The following SEC11A variants were observed in gnomAD, a reference collection of about 807,000 sequenced individuals.
SEC11A encodes the protein SEC11 homolog A, signal peptidase complex subunit, also known as signal peptidase complex catalytic subunit SEC11A.
A neutral mutation model predicts 25.6 loss-of-function variants in SEC11A; 14 were observed. That is an observed-to-expected ratio of 0.55 (90% confidence interval 0.36 to 0.85). The LOEUF (loss-of-function observed/expected upper bound fraction) is 0.85. Ranked by LOEUF, SEC11A falls within the 40% of genes least tolerant of loss-of-function variation. The pLI, the probability that SEC11A is intolerant of heterozygous loss-of-function variation, is 0.01. For synonymous variants in SEC11A, 83 were observed against 76.4 expected (o/e 1.09, Z -0.45); for missense variants, 153 against 222.9 (o/e 0.69, Z 2.00).
intron 1 of SEC11A, among the ~76,000 whole-genome samples, chr15:84,703,830 T>C (rs916975304): frequency 1.3e-5 from 2 of 152,154 alleles, no homozygotes; most frequent in South Asian, 4.2e-4. Context: ...ATGAAGATAA[T>C]TGTGTGCCAT....
At chr15:84,707,863 T>C (rs1898142982) in intron 1 of SEC11A, among the ~76,000 whole-genome samples, 1 of 152,152 alleles carries the variant, frequency 6.6e-6, no homozygotes, top group Non-Finnish European at 1.5e-5. Context: ...TGGTACTATA[T>C]TCTGGATTTT....
intron 1 of SEC11A, among the ~76,000 whole-genome samples, chr15:84,709,491 G>A (rs1450125777): frequency 6.6e-6 from 1 of 152,126 alleles, no homozygotes; most frequent in East Asian, 1.9e-4. Context: ...CACCCAGACT[G>A]GAGTGCAGTG....
At chr15:84,708,294 A>C (rs912334710) in intron 1 of SEC11A, among the ~76,000 whole-genome samples, 11 of 149,944 alleles carry the variant, frequency 7.3e-5, no homozygotes, top group African/African-American at 2.7e-4. Flanking sequence ...GTTCTTGTGT[A>C]TGTAATGGGG....
chr15:84,692,971 G>A (rs903432311), intron 1 of SEC11A, among the ~76,000 whole-genome samples: 3 of 151,850 alleles, frequency 2.0e-5, no homozygotes, highest in Admixed American at 6.6e-5. Flanking sequence ...TCAGCCTCCC[G>A]AGTAGCCAGA....
chr15:84,677,939 T>C (rs926329169), intron 4 of SEC11A, among the ~76,000 whole-genome samples: 2 of 152,176 alleles, frequency 1.3e-5, no homozygotes, highest in African/African-American at 4.8e-5. Flanking sequence ...CTCATGCCTG[T>C]GGTCCCAGCA....
At chr15:84,684,886 C>T (rs779316805) in intron 3 of SEC11A, among the ~76,000 whole-genome samples, 4 of 152,032 alleles carry the variant, frequency 2.6e-5, no homozygotes, top group Admixed American at 6.6e-5. Context: ...GAGCCAAACT[C>T]GCACCATGAA....
intron 4 of SEC11A, among the ~76,000 whole-genome samples, chr15:84,679,068 A>C (rs1245916682): frequency 6.6e-6 from 1 of 152,128 alleles, no homozygotes; most frequent in Non-Finnish European, 1.5e-5. Flanking sequence ...TAAACCAAAA[A>C]GTTAATAGTA....
At chr15:84,680,869 C>T (rs569269916) in intron 3 of SEC11A, 37 bp from the exon 4 acceptor site, 97 of 1,555,616 alleles carry the variant, frequency 6.2e-5, no homozygotes, top group Middle Eastern at 5.2e-4. Flanking sequence ...CATCAAATAC[C>T]TTCATGGCAT....
intron 4 of SEC11A, among the ~76,000 whole-genome samples, chr15:84,674,469 T>G (rs1192344412): frequency 2.6e-5 from 4 of 152,022 alleles, no homozygotes; most frequent in African/African-American, 9.7e-5. Flanking sequence ...CTCTGTTACC[T>G]CCATGCAATG....
chr15:84,677,656 G>A (rs1897174178), intron 4 of SEC11A, among the ~76,000 whole-genome samples: 1 of 151,898 alleles, frequency 6.6e-6, no homozygotes, highest in Admixed American at 6.6e-5. Context: ...TGTATTTTTA[G>A]TAGAGACGGA....
At chr15:84,676,221 A>C (rs60772425) in intron 4 of SEC11A, among the ~76,000 whole-genome samples, 9,768 of 152,220 alleles carry the variant, frequency 0.064, 452 homozygotes, top group East Asian at 0.25. Flanking sequence ...TTAGGCCTCA[A>C]CATAAAATTT....
chr15:84,679,448 G>A (rs745862415), intron 4 of SEC11A, among the ~76,000 whole-genome samples: 3 of 152,164 alleles, frequency 2.0e-5, no homozygotes, highest in Admixed American at 1.3e-4. Context: ...AGCATCTCTC[G>A]TGCTGTAACT....
At chr15:84,681,587 G>A (rs1320617761) in intron 3 of SEC11A, among the ~76,000 whole-genome samples, 1 of 152,060 alleles carries the variant, frequency 6.6e-6, no homozygotes, top group Non-Finnish European at 1.5e-5. Flanking sequence ...CCGAGATCAC[G>A]CCACTGCACT....
chr15:84,678,553 T>C (rs1381025461), intron 4 of SEC11A, among the ~76,000 whole-genome samples: 1 of 152,240 alleles, frequency 6.6e-6, no homozygotes. Flanking sequence ...TACAGTGGAA[T>C]AGCATACAGC....
intron 1 of SEC11A, chr15:84,714,995 GT>G: frequency 6.6e-6 from 1 of 152,250 alleles, no homozygotes; most frequent in African/African-American, 2.4e-5. Context: ...TTGAAGTGTT[GT>G]CATAAAGACA....
At chr15:84,671,893 C>G (rs941557209) in intron 4 of SEC11A, 1 of 152,166 alleles carries the variant, frequency 6.6e-6, no homozygotes, top group Non-Finnish European at 1.5e-5. Flanking sequence ...GCATTCACGG[C>G]AGAAAGAGAA....
intron 2 of SEC11A, among the ~76,000 whole-genome samples, chr15:84,689,741 G>A (rs987814293): frequency 6.6e-5 from 10 of 151,698 alleles, no homozygotes; most frequent in Non-Finnish European, 1.0e-4. Flanking sequence ...CTGAGTAGCT[G>A]GGACTACAGG....
At chr15:84,715,812 G>C (rs1340549074) in intron 1 of SEC11A, among the ~76,000 whole-genome samples, 1 of 152,190 alleles carries the variant, frequency 6.6e-6, no homozygotes, top group African/African-American at 2.4e-5. Context: ...ACCGCTTCCC[G>C]CCCCGCCCCC....
chr15:84,702,417 G>A lies in SEC11A; in HGVS notation c.52-10773C>T, dbSNP rs185820720. Among the ~76,000 whole-genome samples the A allele has an allele frequency of 6.4e-4, 96 of 149,470 alleles. 1 individual carries two copies. In the East Asian group the frequency reaches 0.018, roughly 28 times the overall value. Reference sequence around the variant, plus strand: ...CTCACTGCAACAGTGAGCCAAGATCGCATGCACCACTGCACTCCAGCCTGG... The same window carrying A: ...CTCACTGCAACAGTGAGCCAAGATCACATGCACCACTGCACTCCAGCCTGG... On this transcript the variant is annotated intron_variant, in intron 1 of 5. Coordinates refer to ENST00000268220, the MANE Select transcript of SEC11A (RefSeq NM_014300.4).
Sources: gnomAD v4.1 joint callset for allele counts (sites outside exome capture counted in the v4.1 genomes callset) on GRCh38, gnomAD v4.1.1 for gene constraint, MANE v1.5 for transcripts, NCBI Gene and HGNC (gene_info 2026-07-23, HGNC 2026-07-21) for gene names.